Variants in KCNIP4 observed in about 807,000 individuals in gnomAD.
KCNIP4 encodes potassium voltage-gated channel interacting protein 4.
A neutral mutation model predicts 34.0 loss-of-function variants in KCNIP4; 12 were observed. The observed-to-expected ratio is 0.35, with a 90% CI of 0.23 to 0.57. The LOEUF is 0.57. Among genes scored for constraint, KCNIP4 ranks in the 20% least tolerant of loss-of-function variants. The pLI, the probability that KCNIP4 is intolerant of heterozygous loss-of-function variation, is 0.83. For synonymous variants in KCNIP4, 124 were observed against 102.2 expected, an observed-to-expected ratio of 1.21 and a Z score of -1.29; for missense variants, 238 against 311.7, an observed-to-expected ratio of 0.76 and a Z score of 1.78.
intron 1 of KCNIP4, among the ~76,000 whole-genome samples, chr4:21,107,393 C>A (rs868432968): frequency 6.7e-6 from 1 of 150,282 alleles, no homozygotes; most frequent in South Asian, 2.1e-4. Flanking sequence ...GGTTTAAAGT[C>A]TGTTTTATCA....
chr4:20,969,254 G>A (rs1315549736), intron 1 of KCNIP4, among the ~76,000 whole-genome samples: 2 of 152,164 alleles, frequency 1.3e-5, no homozygotes, highest in Non-Finnish European at 2.9e-5. Context: ...CAACAAGAAA[G>A]AAGAACAGGA....
Position 21,097,741 on chromosome 4 carries a change from CTG to C in KCNIP4, c.62-215034_62-215033del, listed in dbSNP as rs1353596306. ...CCCTCTCCCCCAGCTTCCATATTCC[CTG>C]AGAAAAAACATTATTGAAATTAGAC... On this transcript the variant is annotated intron_variant, in intron 1 of 8. Coordinates refer to ENST00000382152, the MANE Select transcript of KCNIP4 (RefSeq NM_025221.6). Among the ~76,000 whole-genome samples the C allele has an allele frequency of 2.0e-5, 3 of 152,120 alleles. No individual in the cohort carries two copies. The East Asian group carries it at 5.8e-4, about 29-fold the overall frequency.
chr4:21,558,806 G>T (rs1240855648), intron 1 of KCNIP4, among the ~76,000 whole-genome samples: 1 of 152,150 alleles, frequency 6.6e-6, no homozygotes, highest in East Asian at 1.9e-4. Flanking sequence ...TTGCTTGCTG[G>T]ATGTTGTAAT....
chr4:21,263,486 T>TTCA (rs1468418938), intron 1 of KCNIP4, among the ~76,000 whole-genome samples: 2 of 152,132 alleles, frequency 1.3e-5, no homozygotes, highest in African/African-American at 4.8e-5. Context: ...GTTAAAAGAC[T>TTCA]AAGCTTCTGG....
chr4:21,674,546 C>A (rs1749744875), intron 1 of KCNIP4, among the ~76,000 whole-genome samples: 1 of 152,150 alleles, frequency 6.6e-6, no homozygotes. Context: ...CTTAGAAAGT[C>A]TGAGATGCAG....
intron 1 of KCNIP4, among the ~76,000 whole-genome samples, chr4:21,366,552 G>T (rs1023384305): frequency 7.9e-5 from 12 of 152,214 alleles, no homozygotes; most frequent in African/African-American, 2.9e-4. Context: ...ACTGCAAAAA[G>T]TACTTGGGCT....
intron 1 of KCNIP4, among the ~76,000 whole-genome samples, chr4:21,828,063 C>T (rs1311824644): frequency 6.7e-6 from 1 of 149,890 alleles, no homozygotes; most frequent in Non-Finnish European, 1.5e-5. Flanking sequence ...TACTTCACTT[C>T]TTAGAATTAT....
chr4:20,736,220 T>C (rs1749594733), intron 5 of KCNIP4, among the ~76,000 whole-genome samples: 1 of 152,222 alleles, frequency 6.6e-6, no homozygotes, highest in Non-Finnish European at 1.5e-5. Flanking sequence ...TTTGTTTTAC[T>C]AGCTAACAGA....
rs1208342949 is a variant in KCNIP4 at position 21,483,552 on chromosome 4, G to A, written c.61+465019C>T. ...CGCCTGTAATCCCAGCACTTTGGGA[G>A]GCTGAAGCAAGCAGATCATGAGGTC... On this transcript the variant is annotated intron_variant, in intron 1 of 8. Coordinates refer to ENST00000382152, the MANE Select transcript of KCNIP4 (RefSeq NM_025221.6). Among the ~76,000 whole-genome samples, 4 of 152,066 alleles carry A rather than the reference G, an allele frequency of 2.6e-5. 1 individual carries two copies. Among genetic ancestry groups the A allele is most frequent in the South Asian group, 4.1e-4 (2 of 4,826 alleles).
chr4:21,592,104 G>T (rs987796605), intron 1 of KCNIP4, among the ~76,000 whole-genome samples: 7 of 151,994 alleles, frequency 4.6e-5, no homozygotes, highest in African/African-American at 1.7e-4. Context: ...CAAAATCAGG[G>T]ATCTGACTTA....
At chr4:21,700,367 G>A (rs371747412) in intron 1 of KCNIP4, among the ~76,000 whole-genome samples, 18 of 152,012 alleles carry the variant, frequency 1.2e-4, no homozygotes, top group East Asian at 1.9e-4. Flanking sequence ...AGGAACTTGC[G>A]GGTCATTTGT....
intron 1 of KCNIP4, among the ~76,000 whole-genome samples, chr4:21,464,067 C>T (rs1285525823): frequency 6.6e-6 from 1 of 151,872 alleles, no homozygotes; most frequent in Non-Finnish European, 1.5e-5. Flanking sequence ...TGTCTCCACT[C>T]CCATTTTTGA....
At chr4:21,465,685 G>T (rs1381414022) in intron 1 of KCNIP4, among the ~76,000 whole-genome samples, 1 of 151,864 alleles carries the variant, frequency 6.6e-6, no homozygotes, top group Non-Finnish European at 1.5e-5. Flanking sequence ...TGGAGACCAG[G>T]CATGAAAAAT....
chr4:20,792,600 C>T (rs1712915297), intron 3 of KCNIP4, among the ~76,000 whole-genome samples: 1 of 152,106 alleles, frequency 6.6e-6, no homozygotes, highest in African/African-American at 2.4e-5. Flanking sequence ...CATTAAACCA[C>T]TCTGTGTTAG....
Position 21,369,684 on chromosome 4 carries a change from A to G in KCNIP4, c.62-486975T>C, listed in dbSNP as rs2109432486. Reference sequence around the variant, plus strand: ...TAAGTAGTTGTAGCACTTACTTACTATCTCATTTAATTCCAATGAGAACTA... The same window carrying G: ...TAAGTAGTTGTAGCACTTACTTACTGTCTCATTTAATTCCAATGAGAACTA... On this transcript the variant is annotated intron_variant, in intron 1 of 8. Transcript: ENST00000382152. Among the ~76,000 whole-genome samples, 2 of 147,548 alleles carry G rather than the reference A, an allele frequency of 1.4e-5. 1 individual carries two copies. Among genetic ancestry groups the G allele is most frequent in the South Asian group, 4.2e-4 (2 of 4,742 alleles).
intron 3 of KCNIP4, among the ~76,000 whole-genome samples, chr4:20,838,020 T>G (rs1419631476): frequency 6.6e-6 from 1 of 151,988 alleles, no homozygotes; most frequent in East Asian, 1.9e-4. Flanking sequence ...ACCAATTAGT[T>G]ACTTCAAAAA....
At chr4:21,940,047 G>A (rs1275077951) in intron 1 of KCNIP4, among the ~76,000 whole-genome samples, 2 of 152,138 alleles carry the variant, frequency 1.3e-5, no homozygotes, top group African/African-American at 4.8e-5. Flanking sequence ...TCTTTAAACA[G>A]AAGTTATAGC....
chr4:21,808,476 T>G (rs781026470), intron 1 of KCNIP4, among the ~76,000 whole-genome samples: 2 of 152,216 alleles, frequency 1.3e-5, no homozygotes, highest in African/African-American at 2.4e-5. Flanking sequence ...TCTTACTTCA[T>G]TGTAAGAATA....
At chr4:21,684,876 G>A (rs1346746685) in intron 1 of KCNIP4, among the ~76,000 whole-genome samples, 2 of 151,850 alleles carry the variant, frequency 1.3e-5, no homozygotes, top group Non-Finnish European at 2.9e-5. Context: ...TGTCCACTAT[G>A]TTCTCACTCA....
Sources: allele counts gnomAD v4.1 joint callset (sites outside exome capture counted in the v4.1 genomes callset), GRCh38; gene constraint gnomAD v4.1.1; transcripts MANE v1.5; gene names NCBI Gene and HGNC (gene_info 2026-07-23, HGNC 2026-07-21).